PDS5B: variants seen among roughly 807,000 people sequenced by gnomAD.
PDS5B encodes PDS5 cohesin associated factor B.
A neutral mutation model predicts 184.1 loss-of-function variants in PDS5B; 51 were observed. The ratio of observed to expected loss-of-function variants is 0.28; its 90% confidence interval spans 0.22 to 0.35. The LOEUF is 0.35. Among genes scored for constraint, PDS5B ranks in the 10% least tolerant of loss-of-function variants. PDS5B has a pLI of 1.00. For missense variants in PDS5B, 1,180 were observed against 1,723.3 expected (o/e 0.68, Z 5.58); for synonymous variants, 566 against 569.2 (o/e 0.99, Z 0.08).
chr13:32,755,666 G>A (rs1168028543), intron 25 of PDS5B, among the ~76,000 whole-genome samples, 176 bp from the exon 26 acceptor site: 4 of 151,820 alleles, frequency 2.6e-5, no homozygotes, highest in Non-Finnish European at 5.9e-5. Flanking sequence ...CTCAACACAG[G>A]GTATTTCAAT....
At chr13:32,618,533 A>G (rs2058251267) in intron 1 of PDS5B, among the ~76,000 whole-genome samples, 2 of 151,790 alleles carry the variant, frequency 1.3e-5, no homozygotes, top group Non-Finnish European at 2.9e-5. Flanking sequence ...AAAAATGTGT[A>G]TATAGGGTTC....
chr13:32,683,784 GT>G, intron 10 of PDS5B, 93 bp from the exon 11 acceptor site: 1 of 767,786 alleles, frequency 1.3e-6, no homozygotes, highest in Non-Finnish European at 2.1e-6. Flanking sequence ...TGTAGGTATT[GT>G]TTTGCTAGGG....
At chr13:32,738,687 T>C (rs1953428595) in intron 21 of PDS5B, among the ~76,000 whole-genome samples, 1 of 152,190 alleles carries the variant, frequency 6.6e-6, no homozygotes, top group Non-Finnish European at 1.5e-5. Context: ...TTTTTTTCTT[T>C]TTGAGATGGA....
intron 6 of PDS5B, among the ~76,000 whole-genome samples, chr13:32,666,386 A>G (rs1950796613): frequency 6.6e-6 from 1 of 152,118 alleles, no homozygotes; most frequent in Non-Finnish European, 1.5e-5. Flanking sequence ...TCCTCTTTCT[A>G]GTATTTGATA....
chr13:32,750,421 C>T (rs1033284328), intron 24 of PDS5B, among the ~76,000 whole-genome samples: 2 of 152,146 alleles, frequency 1.3e-5, no homozygotes, highest in Admixed American at 6.5e-5. Context: ...GACTCCTCTC[C>T]TCTGTGGGAC....
At chr13:32,686,280 T>C (rs1020702326) in intron 11 of PDS5B, among the ~76,000 whole-genome samples, 19 of 152,240 alleles carry the variant, frequency 1.2e-4, no homozygotes, top group African/African-American at 4.6e-4. Context: ...ATTTCCCTTA[T>C]ACTTCAACTC....
chr13:32,597,808 C>T (rs924925050), intron 1 of PDS5B, among the ~76,000 whole-genome samples: 1 of 150,330 alleles, frequency 6.7e-6, no homozygotes, highest in African/African-American at 2.5e-5. Flanking sequence ...GGTCGTGCCA[C>T]TGCACTCCAG....
intron 18 of PDS5B, among the ~76,000 whole-genome samples, chr13:32,708,201 T>C (rs1952085934): frequency 6.6e-6 from 1 of 152,340 alleles, no homozygotes; most frequent in Middle Eastern, 3.4e-3. Context: ...GAAGCAGTCA[T>C]AGAGGTGTAT....
intron 3 of PDS5B, among the ~76,000 whole-genome samples, chr13:32,654,293 T>A (rs1231260716): frequency 1.3e-5 from 2 of 152,204 alleles, no homozygotes; most frequent in African/African-American, 4.8e-5. Context: ...TTGTGATATT[T>A]GAGCCTTACC....
intron 31 of PDS5B, among the ~76,000 whole-genome samples, chr13:32,767,878 G>A (rs1188579545): frequency 1.3e-5 from 2 of 152,192 alleles, no homozygotes; most frequent in African/African-American, 4.8e-5. Flanking sequence ...AGAAATAAAG[G>A]TAGGTTCAGC....
intron 1 of PDS5B, among the ~76,000 whole-genome samples, chr13:32,600,598 G>A (rs748369653): frequency 6.6e-6 from 1 of 152,202 alleles, no homozygotes; most frequent in Non-Finnish European, 1.5e-5. Context: ...AGATGAGCCG[G>A]TGTGATGGCA....
In PDS5B at chr13:32,693,635, G is replaced by GT. The variant is rs1254746881; in HGVS notation, c.1470-585dup. Among the ~76,000 whole-genome samples, 5 of 150,002 alleles carry GT rather than the reference G, an allele frequency of 3.3e-5. No homozygotes were observed. The East Asian group carries it at 9.7e-4, about 29-fold the overall frequency. The stretch of plus-strand genomic sequence containing the variant: ...GTGTGGCTCTAATCTGTAACCAAGT[G>GT]TTTCATTAATTATTCTCTATATGTT... On this transcript the variant is annotated intron_variant, in intron 13 of 34. Transcript: ENST00000315596.
At chr13:32,610,442 G>A (rs2058123342) in intron 1 of PDS5B, among the ~76,000 whole-genome samples, 1 of 152,108 alleles carries the variant, frequency 6.6e-6, no homozygotes, top group African/African-American at 2.4e-5. Flanking sequence ...TAAATGTTAA[G>A]TATGATTGTT....
chr13:32,645,072 C>G (rs1172046807), intron 1 of PDS5B, among the ~76,000 whole-genome samples: 1 of 152,140 alleles, frequency 6.6e-6, no homozygotes, highest in African/African-American at 2.4e-5. Flanking sequence ...AGTGCAGTGG[C>G]ACAATCATAG....
intron 1 of PDS5B, among the ~76,000 whole-genome samples, chr13:32,640,690 A>C (rs1301508254): frequency 1.3e-5 from 2 of 152,196 alleles, no homozygotes; most frequent in East Asian, 1.9e-4. Flanking sequence ...GGGAAATTCT[A>C]GGTTATAGTT....
At position 32,699,821 on chromosome 13, in the gene PDS5B, A is replaced by T; in HGVS notation, c.1692A>T (p.Glu564Asp). The change falls in exon 16 of 35, where the codon GAA becomes GAT. Residue 564 changes from glutamate (E) to aspartate (D), a missense_variant. This residue lies in a region of PDS5B where 475 missense variants were observed against 691.5 expected (regional missense o/e 0.69). Coordinates refer to ENST00000315596, the MANE Select transcript of PDS5B (RefSeq NM_015032.4). ...ATGAGAAAATAAGAAAGCAGTTAGAAGTACTTGTTAGTCCAACATGCTCCT... is the reference window on the plus strand; with the variant it reads ...ATGAGAAAATAAGAAAGCAGTTAGATGTACTTGTTAGTCCAACATGCTCCT... The part of the protein sequence containing the change: ...EDDEKIRKQL[E>D]VLVSPTCSCK... 1 of 1,580,432 alleles carries T rather than the reference A, an allele frequency of 6.3e-7. No homozygotes were observed. Among genetic ancestry groups the T allele is most frequent in the Non-Finnish European group, 8.6e-7 (1 of 1,166,488 alleles).
chr13:32,691,616 T>G (rs1050227632), intron 13 of PDS5B, among the ~76,000 whole-genome samples: 3 of 152,114 alleles, frequency 2.0e-5, no homozygotes, highest in African/African-American at 7.2e-5. Flanking sequence ...AGTCCCTCCT[T>G]CAGAGATAGT....
chr13:32,686,020 T>C (rs1270263393), intron 11 of PDS5B, among the ~76,000 whole-genome samples: 4 of 152,186 alleles, frequency 2.6e-5, no homozygotes, highest in East Asian at 1.9e-4. Context: ...ATTCTTAATA[T>C]ACTGTAATTA....
At chr13:32,733,734 C>T (rs934409899) in intron 20 of PDS5B, among the ~76,000 whole-genome samples, 2 of 151,976 alleles carry the variant, frequency 1.3e-5, no homozygotes, top group Non-Finnish European at 2.9e-5. Flanking sequence ...CAGAAGGATG[C>T]AAAAAAGAAT....
Sources: gnomAD v4.1 joint callset for allele counts (sites outside exome capture counted in the v4.1 genomes callset) on GRCh38, gnomAD v4.1.1 for gene constraint, gnomAD v4.1.1 regional missense constraint, MANE v1.5 for transcripts, NCBI Gene and HGNC (gene_info 2026-07-23, HGNC 2026-07-21) for gene names.